NCOA3: variants seen among roughly 807,000 people sequenced by gnomAD.
The protein encoded by NCOA3 is nuclear receptor coactivator 3, also known as CBP-interacting protein.
Under a neutral mutation model 158.8 loss-of-function variants are expected in NCOA3, and 51 were observed. That is an observed-to-expected ratio of 0.32 (90% CI 0.26 to 0.41). The LOEUF (loss-of-function observed/expected upper bound fraction) is 0.41. Ranked by LOEUF, NCOA3 falls within the 10% of genes least tolerant of loss-of-function variation. The pLI, the probability that NCOA3 is intolerant of heterozygous loss-of-function variation, is 1.00. For synonymous variants in NCOA3, 537 were observed against 592.4 expected (o/e 0.91, Z 1.36); for missense variants, 1,510 against 1,746.6 (o/e 0.86, Z 2.41).
intron 1 of NCOA3, among the ~76,000 whole-genome samples, chr20:47,565,754 T>C (rs769317244): frequency 1.3e-5 from 2 of 152,032 alleles, no homozygotes; most frequent in Non-Finnish European, 2.9e-5. Context: ...GGAGGTGGGG[T>C]AACATAGCTA....
At chr20:47,607,510 A>G (rs2146270583) in intron 2 of NCOA3, among the ~76,000 whole-genome samples, 1 of 152,284 alleles carries the variant, frequency 6.6e-6, no homozygotes. Context: ...TCAGCTGAAG[A>G]TGATATTTAA....
At chr20:47,612,740 A>T (rs1297738859) in intron 2 of NCOA3, among the ~76,000 whole-genome samples, 1 of 152,232 alleles carries the variant, frequency 6.6e-6, no homozygotes, top group African/African-American at 2.4e-5. Flanking sequence ...TGTAGAAGTC[A>T]ATGTAACCTT....
chr20:47,653,527 C>T lies in NCOA3; in HGVS notation c.*110C>T, dbSNP rs942247115. The T allele has an allele frequency of 7.8e-7, 1 of 1,274,110 alleles. No individual in the cohort carries two copies. Among genetic ancestry groups the T allele is most frequent in the Non-Finnish European group, 1.1e-6 (1 of 893,392 alleles). The allele number at this position is 1,274,110 out of a possible 1,614,324, so 78.9% of individuals were successfully genotyped here. A position where few individuals can be genotyped will look rare whatever the true frequency, so the allele number is the denominator to read the frequency against. ...CATCCATCTTGGAAGAAAGGACCAGCTTTGAGCTCCATCAAGGGTATTTTA... is the reference window on the plus strand; with the variant it reads ...CATCCATCTTGGAAGAAAGGACCAGTTTTGAGCTCCATCAAGGGTATTTTA... On this transcript the variant is annotated 3_prime_UTR_variant, in exon 23 of 23. Coordinates refer to ENST00000371998, the MANE Select transcript of NCOA3 (RefSeq NM_181659.3).
intron 1 of NCOA3, among the ~76,000 whole-genome samples, chr20:47,560,232 A>C (rs2085075630): frequency 6.6e-6 from 1 of 152,234 alleles, no homozygotes; most frequent in Middle Eastern, 3.4e-3. Flanking sequence ...GGTGTGCGCT[A>C]TCATGGCCGG....
In NCOA3 at chr20:47,641,038, A is replaced by G. The variant is rs1000292766; in HGVS notation, c.3080+987A>G. On this transcript the variant is annotated intron_variant, in intron 16 of 22. Transcript: ENST00000371998. ...AAAAATGAACTGATCTATTGAGCAG[A>G]CAGTGATGTAACTATATGAATTTAT... 5.9e-5 allele frequency among the ~76,000 whole-genome samples: 9 copies of G among 152,378 alleles called. No homozygotes were observed. In the East Asian group the frequency reaches 1.7e-3, roughly 29 times the overall value.
chr20:47,578,088 T>C (rs1391237508), intron 1 of NCOA3, among the ~76,000 whole-genome samples: 1 of 152,194 alleles, frequency 6.6e-6, no homozygotes, highest in Non-Finnish European at 1.5e-5. Context: ...TTTTACTTAA[T>C]TGAACATACA....
At chr20:47,550,472 G>A (rs1302099660) in intron 1 of NCOA3, among the ~76,000 whole-genome samples, 1 of 151,774 alleles carries the variant, frequency 6.6e-6, no homozygotes, top group Non-Finnish European at 1.5e-5. Context: ...AAAGGTGGGG[G>A]GGTTTGAAAC....
chr20:47,593,850 G>T (rs1199618512), intron 2 of NCOA3, among the ~76,000 whole-genome samples: 1 of 152,106 alleles, frequency 6.6e-6, no homozygotes, highest in East Asian at 1.9e-4. Flanking sequence ...TATGGGAAAA[G>T]AATTACTGGC....
At chr20:47,551,379 A>G (rs559684187) in intron 1 of NCOA3, among the ~76,000 whole-genome samples, 1 of 152,244 alleles carries the variant, frequency 6.6e-6, no homozygotes, top group East Asian at 1.9e-4. Flanking sequence ...TGGTGATGTA[A>G]TGACACGTTC....
intron 1 of NCOA3, among the ~76,000 whole-genome samples, chr20:47,542,203 A>ATTTT (rs1277841840): frequency 7.2e-6 from 1 of 139,544 alleles, no homozygotes. Context: ...CTACATTAAA[A>ATTTT]TTTTTTTTTT....
At position 47,642,347 on chromosome 20, in the gene NCOA3, T is replaced by C; in HGVS notation, c.3215T>C (p.Ile1072Thr). The change falls in exon 17 of 23, where the codon ATT becomes ACT. Residue 1072 changes from isoleucine to threonine, a missense_variant. By Grantham distance (89) the Ile-to-Thr change is moderately conservative. Transcript: ENST00000371998. The part of the protein sequence containing the change: ...SNTDATGLEE[I>T]DRALGIPELV... ...ACAGATGCCACAGGCCTGGAAGAAATTGACAGAGCTTTGGGCATTCCTGAA... is the reference window on the plus strand; with the variant it reads ...ACAGATGCCACAGGCCTGGAAGAAACTGACAGAGCTTTGGGCATTCCTGAA... 6.2e-7 allele frequency: 1 copy of C among 1,609,762 alleles called. No homozygotes were observed. Among genetic ancestry groups the C allele is most frequent in the African/African-American group, 1.3e-5 (1 of 74,716 alleles).
At chr20:47,564,741 T>G (rs769246028) in intron 1 of NCOA3, among the ~76,000 whole-genome samples, 48 of 152,202 alleles carry the variant, frequency 3.2e-4, no homozygotes, top group Admixed American at 7.2e-4. Flanking sequence ...ATTTTCTTTA[T>G]TTTACATTTC....
Position 47,627,576 on chromosome 20 carries a change from G to T in NCOA3, c.548G>T (p.Trp183Leu). The change falls in exon 7 of 23, where the codon TGG (tryptophan) becomes TTG (leucine). Residue 183 changes from tryptophan to leucine, a missense_variant. Around this residue, in one of 4 missense-constraint regions of NCOA3, gnomAD observed 309 missense variants for 427.1 expected, o/e 0.72. Coordinates refer to ENST00000371998, the MANE Select transcript of NCOA3 (RefSeq NM_181659.3). The stretch of plus-strand genomic sequence containing the variant: ...TTTTCCAAAGTTAATGGAGTTTCCT[G>T]GACAAATGAGACCCAAAGACAAAAA... ...LPKSTVNGVS[W>L]TNETQRQKSH... The T allele has an allele frequency of 6.2e-7, 1 of 1,610,682 alleles. No homozygotes were observed. Among genetic ancestry groups the T allele is most frequent in the Non-Finnish European group, 8.5e-7 (1 of 1,178,796 alleles).
chr20:47,531,571 A>G (rs1417927995), intron 1 of NCOA3, among the ~76,000 whole-genome samples: 1 of 152,226 alleles, frequency 6.6e-6, no homozygotes, highest in African/African-American at 2.4e-5. Context: ...AGATTTGAGC[A>G]AGAATAATGT....
Position 47,535,483 on chromosome 20 carries a change from C to T in NCOA3, c.-99+33464C>T, listed in dbSNP as rs189846351. Among the ~76,000 whole-genome samples the T allele has an allele frequency of 2.6e-5, 4 of 151,906 alleles. No homozygotes were observed. The South Asian group carries it at 6.2e-4, about 24-fold the overall frequency. ...TGTGCTGGAAAGATCGGATCACACA[C>T]GGACTTGGAGAATGAGTGCAAGGTT... On this transcript the variant is annotated intron_variant, in intron 1 of 22. Coordinates refer to ENST00000371998, the MANE Select transcript of NCOA3 (RefSeq NM_181659.3).
intron 4 of NCOA3, among the ~76,000 whole-genome samples, chr20:47,624,686 C>T (rs73310187): frequency 0.035 from 5,369 of 152,140 alleles, 252 homozygotes; most frequent in African/African-American, 0.11. Flanking sequence ...CCTTTTTGCT[C>T]CTTTGTTTGG....
chr20:47,535,550 C>T (rs1006075909), intron 1 of NCOA3, among the ~76,000 whole-genome samples: 11 of 151,198 alleles, frequency 7.3e-5, no homozygotes, highest in African/African-American at 2.4e-4. Flanking sequence ...ACTCTGTTGC[C>T]AGGCTGGGGT....
intron 1 of NCOA3, among the ~76,000 whole-genome samples, chr20:47,547,093 T>G (rs2084843298): frequency 6.6e-6 from 1 of 152,160 alleles, no homozygotes; most frequent in South Asian, 2.1e-4. Context: ...TATTAATACT[T>G]TACTTATTTA....
chr20:47,563,888 C>CAAA lies in NCOA3; in HGVS notation c.-98-19281_-98-19279dup, dbSNP rs72161837. ...TGGGCTACAGAGCGAGATTCTGTCTCAAAAAAAAAAAAAAAAGAAAGAAAA... is the reference window on the plus strand; with the variant it reads ...TGGGCTACAGAGCGAGATTCTGTCTCAAAAAAAAAAAAAAAAAAAGAAAGAAAA... On this transcript the variant is annotated intron_variant, in intron 1 of 22. Coordinates refer to ENST00000371998, the MANE Select transcript of NCOA3 (RefSeq NM_181659.3). Among the ~76,000 whole-genome samples the CAAA allele has an allele frequency of 5.3e-4, 31 of 58,798 alleles. 1 individual carries two copies. The highest frequency in any genetic ancestry group is 1.7e-3 in the African/African-American group (28 of 16,272). 38.6% of individuals were successfully genotyped at this position (58,798 alleles called of 152,430 possible). A position where few individuals can be genotyped will look rare whatever the true frequency, so the allele number is the denominator to read the frequency against.
Sources: allele counts gnomAD v4.1 joint callset (sites outside exome capture counted in the v4.1 genomes callset), GRCh38; gene constraint gnomAD v4.1.1; regional missense constraint gnomAD v4.1.1; transcripts MANE v1.5; gene names NCBI Gene and HGNC (gene_info 2026-07-23, HGNC 2026-07-21).